The following USP9X variants were observed in gnomAD, a reference collection of about 807,000 sequenced individuals.
The protein encoded by USP9X is ubiquitin specific peptidase 9 X-linked, also known as ubiquitin carboxyl-terminal hydrolase 9X.
Under a neutral mutation model 190.3 loss-of-function variants are expected in USP9X, and 7 were observed. The ratio of observed to expected loss-of-function variants is 0.04; its 90% CI spans 0.02 to 0.07. USP9X has a LOEUF of 0.07. Among genes scored for constraint, USP9X ranks in the 10% least tolerant of loss-of-function variants. The probability of loss-of-function intolerance (pLI) is 1.00; values close to 1 mark genes in which losing one functional copy is unlikely to be tolerated. For synonymous variants in USP9X, 645 were observed against 659.5 expected, an observed-to-expected ratio of 0.98 and a Z score of 0.34; for missense variants, 1,010 against 1,916.9, an observed-to-expected ratio of 0.53 and a Z score of 8.83.
intron 14 of USP9X, among the ~76,000 whole-genome samples, chrX:41,153,763 A>G (rs1405681532): frequency 8.9e-6 from 1 of 111,779 alleles, no homozygotes; most frequent in Non-Finnish European, 1.9e-5. Flanking sequence ...TGACAAATTC[A>G]TACCCCTTTC....
chrX:41,195,578 A>T (rs1387544768), intron 26 of USP9X, among the ~76,000 whole-genome samples: 3 of 111,536 alleles, frequency 2.7e-5, no homozygotes, highest in Admixed American at 1.9e-4. Context: ...TTCATGGAAG[A>T]CAATTTTTCC....
At chrX:41,140,244 C>T (rs1476237365) in intron 6 of USP9X, among the ~76,000 whole-genome samples, 1 of 112,328 alleles carries the variant, frequency 8.9e-6, no homozygotes, top group Non-Finnish European at 1.9e-5. Flanking sequence ...TACAACTAAA[C>T]AAGAAGTAGA....
chrX:41,205,862 TTTTTCTTTTTTTCTTTTTC>T (rs1438740211), intron 32 of USP9X, among the ~76,000 whole-genome samples: 3 of 96,093 alleles, frequency 3.1e-5, no homozygotes, highest in African/African-American at 7.0e-5. Flanking sequence ...ACCTATTTTT[TTTTTCTTTTTTTCTTTTTC>T]TTTTTCTTTT....
rs2062675367 is a variant in USP9X, at chrX:41,165,902, A to G, written c.2016A>G (p.Leu672=). 8.3e-7 allele frequency: 1 copy of G among 1,209,683 alleles called. No homozygotes were observed. Among genetic ancestry groups the G allele is most frequent in the Non-Finnish European group, 1.1e-6 (1 of 894,982 alleles). ...RFLLKDGQLW[L]CAPQAKQIWK... Reference sequence around the variant, plus strand: ...TATTGAAGGATGGTCAGCTGTGGCTATGTGCTCCTCAGGCAAAACAAATAT... The same window carrying G: ...TATTGAAGGATGGTCAGCTGTGGCTGTGTGCTCCTCAGGCAAAACAAATAT... Residue 672 remains leucine (L), a synonymous_variant, in exon 16 of 45, where the codon CTA becomes CTG. Transcript: ENST00000378308.
chrX:41,107,861 T>TTAG (rs2062081729), intron 1 of USP9X, among the ~76,000 whole-genome samples: 1 of 112,204 alleles, frequency 8.9e-6, no homozygotes, highest in Non-Finnish European at 1.9e-5. Flanking sequence ...TTAAATTCTG[T>TTAG]TAGTCTCTGT....
At chrX:41,113,172 G>A in intron 1 of USP9X, among the ~76,000 whole-genome samples, 1 of 112,138 alleles carries the variant, frequency 8.9e-6, no homozygotes, top group Non-Finnish European at 1.9e-5. Context: ...AATTCAAAAA[G>A]ATCTAAACTT....
At chrX:41,230,738 G>T in intron 44 of USP9X, 142 bp downstream of exon 44, 1 of 503,239 alleles carries the variant, frequency 2.0e-6, no homozygotes, top group East Asian at 3.7e-5. Context: ...ATCCAGAAGA[G>T]GGATGGTTTG....
chrX:41,138,968 G>T (rs777538647), intron 6 of USP9X, among the ~76,000 whole-genome samples: 30 of 112,676 alleles, frequency 2.7e-4, no homozygotes, highest in African/African-American at 9.0e-4. Flanking sequence ...AGCTGCTGAA[G>T]CTAGCCTATT....
In USP9X at chrX:41,198,770, T is replaced by C. The variant is rs184301453; in HGVS notation, c.4603+20T>C. 9 of 1,123,277 alleles carry C rather than the reference T, an allele frequency of 8.0e-6. No homozygotes were observed. In the Middle Eastern group the frequency reaches 8.1e-4, roughly 101 times the overall value. 92.6% of individuals were successfully genotyped at this position (1,123,277 alleles called of 1,213,427 possible). ...TAACTAGTAAGTATTTTTAATAGAATGTGATAATTGATCATTTCAATGTTT... is the reference window on the plus strand; with the variant it reads ...TAACTAGTAAGTATTTTTAATAGAACGTGATAATTGATCATTTCAATGTTT... On this transcript the variant is annotated intron_variant, in intron 30 of 44. Transcript: ENST00000378308.
intron 15 of USP9X, among the ~76,000 whole-genome samples, chrX:41,164,338 A>G (rs933818628): frequency 9.6e-6 from 1 of 104,529 alleles, no homozygotes; most frequent in Non-Finnish European, 1.9e-5. Flanking sequence ...ATTTGTTTAA[A>G]GTGCATTGTT....
chrX:41,199,803 G>A (rs2063026466), intron 30 of USP9X, among the ~76,000 whole-genome samples: 1 of 111,498 alleles, frequency 9.0e-6, no homozygotes, highest in African/African-American at 3.3e-5. Flanking sequence ...AACGTTATGA[G>A]TTCGAAGAAA....
chrX:41,170,267 AAAATC>A (rs1201621752), intron 19 of USP9X, 32 bp downstream of exon 19: 1 of 1,180,380 alleles, frequency 8.5e-7, no homozygotes, highest in African/African-American at 1.8e-5. Context: ...ATTTTTCAAT[AAAATC>A]AAACCAGAGA....
rs778330079 is a variant in USP9X at position 41,134,762 on chromosome X, C to T, written c.360C>T (p.Phe120=). 1.7e-6 allele frequency: 2 copies of T among 1,209,940 alleles called. No homozygotes were observed. Among genetic ancestry groups the T allele is most frequent in the South Asian group, 3.5e-5 (2 of 56,672 alleles). Residue 120 remains phenylalanine (F), a synonymous_variant, in exon 5 of 45, where the codon TTC becomes TTT. Coordinates refer to ENST00000378308, the MANE Select transcript of USP9X (RefSeq NM_001039591.3). The part of the protein sequence containing the change: ...DVKSEACQRF[F]RDGLTISFTK... ...AAAGTGAAGCATGTCAGCGATTTTT[C>T]CGTGATGGGCTAACAATATCATTCA... is the stretch of plus-strand genomic sequence containing the variant.
chrX:41,128,078 C>T (rs956845197), intron 2 of USP9X, among the ~76,000 whole-genome samples: 1 of 111,524 alleles, frequency 9.0e-6, no homozygotes, highest in Non-Finnish European at 1.9e-5. Context: ...AAAATAGCCA[C>T]GTTAGTTGAA....
chrX:41,221,587 A>T (rs901594933), intron 38 of USP9X, among the ~76,000 whole-genome samples: 2 of 111,390 alleles, frequency 1.8e-5, no homozygotes, highest in Admixed American at 1.9e-4. Flanking sequence ...GGCGTGGCTT[A>T]TTGGATGGGA....
chrX:41,220,807 T>C (rs999031375), intron 38 of USP9X, among the ~76,000 whole-genome samples: 2 of 105,627 alleles, frequency 1.9e-5, no homozygotes, highest in Admixed American at 2.1e-4. Context: ...ATACAAAAAT[T>C]AGCAGGGCGT....
At chrX:41,199,155 T>G (rs55873022) in intron 30 of USP9X, among the ~76,000 whole-genome samples, 14,940 of 107,851 alleles carry the variant, frequency 0.14, 971 homozygotes, top group Admixed American at 0.21. Context: ...CTGCACTCCA[T>G]CCTGGGTGAC....
chrX:41,096,052 C>T (rs898618286), intron 1 of USP9X, among the ~76,000 whole-genome samples: 1 of 112,287 alleles, frequency 8.9e-6, no homozygotes, highest in East Asian at 2.8e-4. Flanking sequence ...CCTGCCACCT[C>T]CAATTCCCTT....
intron 2 of USP9X, among the ~76,000 whole-genome samples, chrX:41,124,935 G>A (rs1394403771): frequency 8.9e-6 from 1 of 111,931 alleles, no homozygotes; most frequent in African/African-American, 3.3e-5. Flanking sequence ...TATGCTGGCC[G>A]CAAAACTCAT....
Sources: allele counts gnomAD v4.1 joint callset (sites outside exome capture counted in the v4.1 genomes callset), GRCh38; gene constraint gnomAD v4.1.1; transcripts MANE v1.5; gene names NCBI Gene and HGNC (gene_info 2026-07-23, HGNC 2026-07-21).